Variants in YPEL2 observed in about 807,000 individuals in gnomAD.
The protein encoded by YPEL2 is protein yippee-like 2.
In YPEL2, 2 loss-of-function variants were observed where a neutral mutation model predicts 19.1. The observed-to-expected ratio is 0.10, with a 90% CI of 0.04 to 0.33. YPEL2 has a LOEUF of 0.33. Among genes scored for constraint, YPEL2 ranks in the 10% least tolerant of loss-of-function variants. The probability of loss-of-function intolerance (pLI) is 1.00; values close to 1 mark genes in which losing one functional copy is unlikely to be tolerated. For missense variants in YPEL2, 66 were observed against 140.7 expected (o/e 0.47, Z 2.68); for synonymous variants, 52 against 50.0 (o/e 1.04, Z -0.17).
chr17:59,350,078 TTTTTC>T (rs1314226726), intron 1 of YPEL2, among the ~76,000 whole-genome samples: 2 of 152,058 alleles, frequency 1.3e-5, no homozygotes, highest in African/African-American at 2.4e-5. Flanking sequence ...TTTTCTTCCC[TTTTTC>T]TTTTCTTTTT....
chr17:59,351,462 A>G (rs975071410), intron 1 of YPEL2, among the ~76,000 whole-genome samples: 3 of 151,718 alleles, frequency 2.0e-5, no homozygotes, highest in African/African-American at 7.3e-5. Flanking sequence ...TATCTGTAAC[A>G]CTCTGGCACC....
rs2048058656 is a variant in YPEL2 at position 59,399,440 on chromosome 17, G to C, written c.*2250G>C. On this transcript the variant is annotated 3_prime_UTR_variant, in exon 5 of 5. Coordinates refer to ENST00000312655, the MANE Select transcript of YPEL2 (RefSeq NM_001005404.4). ...ATGGGGTGCCCTCAAGTTTCCAAGG[G>C]GACCAATGTGCCACTGTTCTTCCTT... The C allele has an allele frequency of 6.6e-6, 1 of 152,160 alleles. No individual in the cohort carries two copies. The highest frequency in any genetic ancestry group is 1.5e-5 in the Non-Finnish European group (1 of 68,048). 9.4% of individuals were successfully genotyped at this position (152,160 alleles called of 1,614,324 possible).
At chr17:59,346,551 AT>A (rs2047757513) in intron 1 of YPEL2, among the ~76,000 whole-genome samples, 1 of 152,074 alleles carries the variant, frequency 6.6e-6, no homozygotes. Flanking sequence ...GCCTTATCAC[AT>A]GTGCTACCTG....
At chr17:59,370,392 C>T (rs2047891167) in intron 2 of YPEL2, among the ~76,000 whole-genome samples, 1 of 152,124 alleles carries the variant, frequency 6.6e-6, no homozygotes, top group South Asian at 2.1e-4. Flanking sequence ...TTTAATGATT[C>T]TGATTTTTAT....
chr17:59,388,215 C>A (rs1356567062), intron 2 of YPEL2, 112 bp from the exon 3 acceptor site: 2 of 1,019,238 alleles, frequency 2.0e-6, no homozygotes, highest in Admixed American at 1.7e-5. Flanking sequence ...CTCAGTACTC[C>A]CTTTTGCTGT....
intron 4 of YPEL2, among the ~76,000 whole-genome samples, chr17:59,395,401 G>A (rs2048033717): frequency 6.6e-6 from 1 of 152,168 alleles, no homozygotes; most frequent in Admixed American, 6.5e-5. Flanking sequence ...GGGGGCTCAG[G>A]GAAGGGCTGA....
intron 1 of YPEL2, among the ~76,000 whole-genome samples, chr17:59,341,449 C>G (rs1357210666): frequency 6.6e-6 from 1 of 151,646 alleles, no homozygotes; most frequent in Non-Finnish European, 1.5e-5. Context: ...CTCCTGAGGT[C>G]AGGAGTTCCA....
In YPEL2 at chr17:59,353,145, G is replaced by A; in HGVS notation, c.-195-70G>A. ...GTTGCCTTCTTCATGGGTGGCAGTT[G>A]GATTCTGCTTGCTTTGTAGGGAGCC... On this transcript the variant is annotated intron_variant, in intron 1 of 4. Transcript: ENST00000312655. This position sits in a 1 kb window ranked among gnomAD's most constrained non-coding sequence, Gnocchi z 4.8. 9.7e-6 allele frequency: 3 copies of A among 308,848 alleles called. No homozygotes were observed. The highest frequency in any genetic ancestry group is 1.8e-5 in the Non-Finnish European group (3 of 166,706). 19.1% of individuals were successfully genotyped at this position (308,848 alleles called of 1,614,324 possible).
chr17:59,392,863 T>C (rs981330432), intron 4 of YPEL2, among the ~76,000 whole-genome samples: 7 of 151,824 alleles, frequency 4.6e-5, no homozygotes, highest in Admixed American at 3.3e-4. Flanking sequence ...TTGGTCAGGC[T>C]GGTCTCCATC....
rs1388794042 is a variant in YPEL2, at chr17:59,399,940, G to C, written c.*2750G>C. 1 of 152,586 alleles carries C rather than the reference G, an allele frequency of 6.6e-6. No individual in the cohort carries two copies. The highest frequency in any genetic ancestry group is 6.5e-5 in the Admixed American group (1 of 15,268). The allele number at this position is 152,586 out of a possible 1,614,324, so 9.5% of individuals were successfully genotyped here. ...GAGTAGAGACAGGGTAAGGGGACGT[G>C]AGAAAGGAAAAGGCATGAAGTTCTA... On this transcript the variant is annotated 3_prime_UTR_variant, in exon 5 of 5. Coordinates refer to ENST00000312655, the MANE Select transcript of YPEL2 (RefSeq NM_001005404.4).
chr17:59,355,079 A>T lies in YPEL2; in HGVS notation c.117+1553A>T, dbSNP rs528659359. ...ATGCAAGGAAGCAGTGCCATGTATCATAAGAAATTGAGGTACCAATAAGGT... is the reference window on the plus strand; with the variant it reads ...ATGCAAGGAAGCAGTGCCATGTATCTTAAGAAATTGAGGTACCAATAAGGT... On this transcript the variant is annotated intron_variant, in intron 2 of 4. Transcript: ENST00000312655. 1.0e-3 allele frequency: 159 copies of T among 152,226 alleles called. 1 individual carries two copies. Among genetic ancestry groups the T allele is most frequent in the African/African-American group, 3.5e-3 (144 of 41,516 alleles). 9.4% of individuals were successfully genotyped at this position (152,226 alleles called of 1,614,324 possible). A position where few individuals can be genotyped will look rare whatever the true frequency, so the allele number is the denominator to read the frequency against.
intron 2 of YPEL2, among the ~76,000 whole-genome samples, chr17:59,381,311 C>T (rs1000896159): frequency 6.6e-6 from 1 of 152,152 alleles, no homozygotes; most frequent in African/African-American, 2.4e-5. Flanking sequence ...CGTCTGCTTT[C>T]CCCATCTCTC....
At position 59,400,746 on chromosome 17, in the gene YPEL2, G is replaced by A. The variant is rs74376015; in HGVS notation, c.*3556G>A. 0.033 allele frequency: 5,070 copies of A among 152,564 alleles called. 95 individuals carry two copies. The highest frequency in any genetic ancestry group is 0.046 in the South Asian group (220 of 4,818). 9.5% of individuals were successfully genotyped at this position (152,564 alleles called of 1,614,324 possible). ...ATCACGTTTTTAGTTGTGCGTGTGCGCGCACACGTGTGTAAAAAGCACTTT... is the reference window on the plus strand; with the variant it reads ...ATCACGTTTTTAGTTGTGCGTGTGCACGCACACGTGTGTAAAAAGCACTTT... On this transcript the variant is annotated 3_prime_UTR_variant, in exon 5 of 5. Coordinates refer to ENST00000312655, the MANE Select transcript of YPEL2 (RefSeq NM_001005404.4).
At chr17:59,369,690 G>A (rs986864483) in intron 2 of YPEL2, among the ~76,000 whole-genome samples, 3 of 152,236 alleles carry the variant, frequency 2.0e-5, no homozygotes, top group African/African-American at 7.2e-5. Context: ...TCTAGGACAA[G>A]CGTTCTCAGT....
In YPEL2 at chr17:59,360,614, T is replaced by C. The variant is rs186749408; in HGVS notation, c.117+7088T>C. ...AAGCATTGGCTCTTTTGTACTCCTC[T>C]AGAAGTATCTGTTGACCACCCAGGA... On this transcript the variant is annotated intron_variant, in intron 2 of 4. Transcript: ENST00000312655. Among the ~76,000 whole-genome samples the C allele has an allele frequency of 4.1e-3, 621 of 152,318 alleles. 4 individuals carry two copies. Among genetic ancestry groups the C allele is most frequent in the Non-Finnish European group, 4.3e-3 (290 of 68,034 alleles).
chr17:59,346,021 C>T (rs955261280), intron 1 of YPEL2, among the ~76,000 whole-genome samples: 3 of 152,180 alleles, frequency 2.0e-5, no homozygotes, highest in Admixed American at 6.5e-5. Flanking sequence ...TCTCATTGGG[C>T]GGGCACAGGT....
intron 1 of YPEL2, among the ~76,000 whole-genome samples, chr17:59,334,571 A>AACAC (rs35386954): frequency 0.053 from 7,652 of 145,138 alleles, 278 homozygotes; most frequent in African/African-American, 0.1. Flanking sequence ...TTCAGGCACA[A>AACAC]ACACACACAC....
intron 1 of YPEL2, among the ~76,000 whole-genome samples, chr17:59,340,482 C>T (rs1567729779): frequency 6.6e-6 from 1 of 151,012 alleles, no homozygotes; most frequent in Non-Finnish European, 1.5e-5. Context: ...GTGGTGCGAT[C>T]TCAGCTCACT....
At chr17:59,384,006 T>G (rs545893179) in intron 2 of YPEL2, among the ~76,000 whole-genome samples, 6 of 152,300 alleles carry the variant, frequency 3.9e-5, no homozygotes, top group African/African-American at 1.4e-4. Context: ...AAACATAGGC[T>G]TTCGTTTCAC....
Sources: gnomAD v4.1 joint callset for allele counts (sites outside exome capture counted in the v4.1 genomes callset) on GRCh38, gnomAD v4.1.1 for gene constraint, Gnocchi (gnomAD v3.1) non-coding constraint, MANE v1.5 for transcripts, NCBI Gene and HGNC (gene_info 2026-07-23, HGNC 2026-07-21) for gene names.